Variants in NIPBL observed in about 807,000 individuals in gnomAD.
The protein encoded by NIPBL is nipped-B-like protein.
In NIPBL, 19 loss-of-function variants were observed where a neutral mutation model predicts 321.8. The observed-to-expected ratio is 0.06, with a 90% CI of 0.04 to 0.09. NIPBL has a LOEUF of 0.09. Among genes scored for constraint, NIPBL ranks in the 10% least tolerant of loss-of-function variants. The pLI is 1.00. For synonymous variants in NIPBL, 1,106 were observed against 1,114.1 expected (o/e 0.99, Z 0.14); for missense variants, 2,210 against 3,327.0 (o/e 0.66, Z 8.26).
chr5:36,975,679 C>G lies in NIPBL; in HGVS notation c.869-97C>G, dbSNP rs969477092. The G allele has an allele frequency of 4.4e-6, 5 of 1,125,932 alleles. No homozygotes were observed. The African/African-American group carries it at 4.8e-5, about 11-fold the overall frequency. 69.7% of individuals were successfully genotyped at this position (1,125,932 alleles called of 1,614,324 possible). ...GGATTATATAATTTCTTATTTTTTT[C>G]TAGTATTACTATATTGTCACTTATT... On this transcript the variant is annotated intron_variant, in intron 8 of 46. Transcript: ENST00000282516.
chr5:36,886,173 C>T, intron 1 of NIPBL: 1 of 645,454 alleles, frequency 1.5e-6, no homozygotes, highest in Non-Finnish European at 2.8e-6. Context: ...TGGAGAACAG[C>T]CTGAGGGAGG....
chr5:36,985,179 A>C lies in NIPBL; in HGVS notation c.1999A>C (p.Thr667Pro). 6.2e-7 allele frequency: 1 copy of C among 1,613,982 alleles called. No homozygotes were observed. Among genetic ancestry groups the C allele is most frequent in the South Asian group, 1.1e-5 (1 of 91,078 alleles). ...AACTGAATGCAAACAAAACGAGAGC[A>C]CCATAGTTGAGCCTAAACAAAATGA... is the stretch of plus-strand genomic sequence containing the variant. The part of the protein sequence containing the change: ...RTTECKQNES[T>P]IVEPKQNENR... Residue 667 changes from threonine (T) to proline (P), a missense_variant, in exon 10 of 47, where the codon ACC becomes CCC. By Grantham distance (38) the Thr-to-Pro change is conservative (BLOSUM62 -1). Around this residue, in one of 14 missense-constraint regions of NIPBL, gnomAD observed 588 missense variants for 564.1 expected, o/e 1.04. Transcript: ENST00000282516.
At chr5:36,888,953 G>C (rs1746120811) in intron 1 of NIPBL, among the ~76,000 whole-genome samples, 1 of 152,134 alleles carries the variant, frequency 6.6e-6, no homozygotes, top group Admixed American at 6.5e-5. Context: ...ATTTTGGAAT[G>C]AATAGAATCA....
intron 1 of NIPBL, among the ~76,000 whole-genome samples, chr5:36,903,842 TG>T (rs1434645832): frequency 2.6e-5 from 4 of 152,176 alleles, no homozygotes; most frequent in African/African-American, 4.8e-5. Flanking sequence ...TTTTCTAAGA[TG>T]TTTTTTAGGG....
At chr5:36,989,550 T>A (rs547296708) in intron 10 of NIPBL, among the ~76,000 whole-genome samples, 2 of 152,280 alleles carry the variant, frequency 1.3e-5, no homozygotes, top group Non-Finnish European at 2.9e-5. Flanking sequence ...ATTAAAATAA[T>A]AAAGTTATGA....
chr5:36,973,558 C>G (rs1400388728), intron 8 of NIPBL, among the ~76,000 whole-genome samples: 3 of 152,076 alleles, frequency 2.0e-5, no homozygotes, highest in African/African-American at 4.8e-5. Context: ...ATCTCCACCT[C>G]CCGGGTTCAA....
At chr5:36,955,146 A>G (rs1254022195) in intron 2 of NIPBL, 1 of 285,064 alleles carries the variant, frequency 3.5e-6, no homozygotes, top group Non-Finnish European at 6.8e-6. Context: ...AACAAATGAG[A>G]TTAATGAATT....
chr5:37,031,029 G>A (rs1339196310), intron 32 of NIPBL, among the ~76,000 whole-genome samples: 1 of 151,348 alleles, frequency 6.6e-6, no homozygotes, highest in Admixed American at 6.6e-5. Context: ...TGTCGCCCAG[G>A]GTGGAGTGCA....
At chr5:37,024,841 T>G (rs764567548) in intron 30 of NIPBL, 122 bp downstream of exon 30, 1 of 754,338 alleles carries the variant, frequency 1.3e-6, no homozygotes, top group Non-Finnish European at 2.1e-6. Flanking sequence ...TTATAGTTTA[T>G]AAACTTAAGA....
intron 43 of NIPBL, 75 bp from the exon 44 acceptor site, chr5:37,058,816 C>A: frequency 7.5e-7 from 1 of 1,340,530 alleles, no homozygotes; most frequent in Non-Finnish European, 1.0e-6. Context: ...CTTTTTCAAG[C>A]TGTTGAATGG....
intron 6 of NIPBL, among the ~76,000 whole-genome samples, chr5:36,969,490 G>A (rs972178495): frequency 1.3e-5 from 2 of 152,148 alleles, no homozygotes; most frequent in Non-Finnish European, 2.9e-5. Flanking sequence ...TGGTCCATAT[G>A]GCATTATATC....
At chr5:37,050,762 A>G (rs999080757) in intron 40 of NIPBL, among the ~76,000 whole-genome samples, 6 of 152,200 alleles carry the variant, frequency 3.9e-5, no homozygotes, top group African/African-American at 7.2e-5. Context: ...CACTGATACA[A>G]TATTATCTAA....
At chr5:36,949,955 A>G (rs1037187539) in intron 1 of NIPBL, among the ~76,000 whole-genome samples, 2 of 152,026 alleles carry the variant, frequency 1.3e-5, no homozygotes, top group Admixed American at 6.6e-5. Context: ...ATAATTTACT[A>G]TAATATCTTC....
chr5:36,974,381 T>G (rs1370326635), intron 8 of NIPBL, among the ~76,000 whole-genome samples: 1 of 152,192 alleles, frequency 6.6e-6, no homozygotes, highest in Non-Finnish European at 1.5e-5. Context: ...ATTTGAAGTT[T>G]GTTCTAAAGT....
At chr5:37,052,953 C>T (rs913669290) in intron 42 of NIPBL, among the ~76,000 whole-genome samples, 3 of 152,124 alleles carry the variant, frequency 2.0e-5, no homozygotes, top group Admixed American at 1.3e-4. Flanking sequence ...AACTTGATTT[C>T]CCTTAATGAA....
At chr5:36,976,661 T>C (rs1243947787) in intron 9 of NIPBL, among the ~76,000 whole-genome samples, 1 of 152,158 alleles carries the variant, frequency 6.6e-6, no homozygotes, top group African/African-American at 2.4e-5. Flanking sequence ...ATTTTACTTA[T>C]TTGTGCTTTT....
chr5:36,947,811 A>G (rs982332145), intron 1 of NIPBL, among the ~76,000 whole-genome samples: 2 of 151,984 alleles, frequency 1.3e-5, no homozygotes, highest in African/African-American at 2.4e-5. Context: ...GCATCTCAGC[A>G]TATACCCGAC....
intron 23 of NIPBL, 69 bp from the exon 24 acceptor site, chr5:37,016,950 A>C (rs1749066816): frequency 9.3e-7 from 1 of 1,079,184 alleles, no homozygotes; most frequent in Non-Finnish European, 1.3e-6. Flanking sequence ...TTGGGAATTT[A>C]TATGATAAAT....
intron 10 of NIPBL, among the ~76,000 whole-genome samples, chr5:36,987,045 C>T (rs940028255): frequency 5.9e-5 from 9 of 152,042 alleles, no homozygotes; most frequent in African/African-American, 2.2e-4. Flanking sequence ...TTTAAAATAA[C>T]TTTTTTTATT....
Sources: gnomAD v4.1 joint callset for allele counts (sites outside exome capture counted in the v4.1 genomes callset) on GRCh38, gnomAD v4.1.1 for gene constraint, gnomAD v4.1.1 regional missense constraint, MANE v1.5 for transcripts, NCBI Gene and HGNC (gene_info 2026-07-23, HGNC 2026-07-21) for gene names.